Variants in FAM3B observed in about 807,000 individuals in gnomAD.
FAM3B encodes the protein FAM3 metabolism regulating signaling molecule B, also known as protein FAM3B.
A neutral mutation model predicts 28.4 loss-of-function variants in FAM3B; 29 were observed. That is an observed-to-expected ratio of 1.02 (90% CI 0.76 to 1.39). The LOEUF is 1.39. FAM3B is among the 40% of genes most tolerant of loss of function. FAM3B has a pLI of 0.00. For synonymous variants in FAM3B, 91 were observed against 103.0 expected, an observed-to-expected ratio of 0.88 and a Z score of 0.71; for missense variants, 266 against 293.9, an observed-to-expected ratio of 0.91 and a Z score of 0.69.
intron 3 of FAM3B, among the ~76,000 whole-genome samples, chr21:41,342,900 G>T (rs922133089): frequency 1.3e-5 from 2 of 152,058 alleles, no homozygotes; most frequent in African/African-American, 2.4e-5. Flanking sequence ...TCCTGCACCT[G>T]TTTTTTAAAA....
rs1247398681 is a variant in FAM3B at position 41,326,583 on chromosome 21, ATGCTCATGGCTGACG to A, written c.163+3518_163+3532del. Among the ~76,000 whole-genome samples, 8 of 152,228 alleles carry A rather than the reference ATGCTCATGGCTGACG, an allele frequency of 5.3e-5. No individual in the cohort carries two copies. Among genetic ancestry groups the A allele is most frequent in the Non-Finnish European group, 1.0e-4 (7 of 68,030 alleles). On this transcript the variant is annotated intron_variant, in intron 2 of 7. Transcript: ENST00000357985. The surrounding 1 kb of genome is among the most constrained non-coding windows in gnomAD (Gnocchi z 4.0). ...AAGTCTAGAAGCTGGGGAGGAGGCC[ATGCTCATGGCTGACG>A]GGCTGCCAGGCCCTGGCGTGGGGAC...
intron 7 of FAM3B, among the ~76,000 whole-genome samples, chr21:41,356,244 C>G (rs1488195713): frequency 1.3e-5 from 2 of 152,100 alleles, no homozygotes; most frequent in East Asian, 3.9e-4. Context: ...AGTACAGATG[C>G]TCTTCAGCTT....
chr21:41,346,951 C>T, intron 5 of FAM3B, 62 bp from the exon 6 acceptor site: 1 of 1,464,856 alleles, frequency 6.8e-7, no homozygotes, highest in Non-Finnish European at 9.6e-7. Context: ...GGAAGCCCAG[C>T]ACCCAAGGCA....
At chr21:41,348,508 C>A in intron 6 of FAM3B, 84 bp from the exon 7 acceptor site, 1 of 1,510,458 alleles carries the variant, frequency 6.6e-7, no homozygotes, top group Non-Finnish European at 9.1e-7. Context: ...TCCAAGGATG[C>A]ACAGCGTAAC....
chr21:41,331,726 A>T (rs1262684451), intron 2 of FAM3B, among the ~76,000 whole-genome samples: 5 of 152,166 alleles, frequency 3.3e-5, no homozygotes, highest in African/African-American at 1.2e-4. Flanking sequence ...GATGTTATGA[A>T]GTTAACTGTG....
intron 7 of FAM3B, among the ~76,000 whole-genome samples, chr21:41,349,593 C>A (rs377746767): frequency 3.3e-5 from 5 of 152,308 alleles, no homozygotes; most frequent in South Asian, 4.1e-4. Flanking sequence ...CAGTCTGCCT[C>A]CTTGTGCTGT....
At chr21:41,322,553 C>T in intron 1 of FAM3B, 1 of 714,302 alleles carries the variant, frequency 1.4e-6, no homozygotes, top group Non-Finnish European at 2.6e-6. Flanking sequence ...CCAGTTGTGT[C>T]TCACAAAGGG....
At chr21:41,356,709 T>C (rs1432966350) in intron 7 of FAM3B, among the ~76,000 whole-genome samples, 3 of 152,186 alleles carry the variant, frequency 2.0e-5, no homozygotes, top group African/African-American at 4.8e-5. Flanking sequence ...ACGGTATAAA[T>C]ATATGGGTAG....
At position 41,357,166 on chromosome 21, in the gene FAM3B, T is replaced by G. The variant is rs771223202; in HGVS notation, c.677T>G (p.Ile226Arg). The G allele has an allele frequency of 2.5e-6, 4 of 1,613,596 alleles. No homozygotes were observed. Among genetic ancestry groups the G allele is most frequent in the Non-Finnish European group, 3.4e-6 (4 of 1,179,784 alleles). The part of the protein sequence containing the change: ...RYSGWPAEIQ[I>R]EGCIPKERS ...TCTGGCTGGCCTGCAGAGATCCAGATAGAAGGCTGCATACCCAAAGAACGA... is the reference window on the plus strand; with the variant it reads ...TCTGGCTGGCCTGCAGAGATCCAGAGAGAAGGCTGCATACCCAAAGAACGA... The change falls in exon 8 of 8, where the codon ATA becomes AGA. Residue 226 changes from isoleucine to arginine, a missense_variant. Ile to Arg is a moderately conservative substitution (Grantham distance 97). Coordinates refer to ENST00000357985, the MANE Select transcript of FAM3B (RefSeq NM_058186.4).
At chr21:41,349,606 A>G (rs758536836) in intron 7 of FAM3B, among the ~76,000 whole-genome samples, 1 of 152,110 alleles carries the variant, frequency 6.6e-6, no homozygotes, top group South Asian at 2.1e-4. Context: ...TGTGCTGTGG[A>G]TACGGGTCTG....
chr21:41,328,749 G>A (rs2088877519), intron 2 of FAM3B, among the ~76,000 whole-genome samples: 2 of 152,206 alleles, frequency 1.3e-5, no homozygotes, highest in Admixed American at 1.3e-4. Flanking sequence ...GGGTGAGCTG[G>A]AGTGTTGAGA....
intron 6 of FAM3B, among the ~76,000 whole-genome samples, chr21:41,348,269 A>G (rs1726157452): frequency 6.6e-6 from 1 of 152,104 alleles, no homozygotes; most frequent in East Asian, 1.9e-4. Context: ...GGGCAGAGCA[A>G]TAGCCGAAAA....
upstream of FAM3B, among the ~76,000 whole-genome samples, chr21:41,312,722 A>AGAGTGTGTGTGTGT (rs1555866778): frequency 1.3e-5 from 2 of 148,216 alleles, no homozygotes; most frequent in African/African-American, 2.5e-5. Flanking sequence ...TGTGTGTGAG[A>AGAGTGTGTGTGTGT]GTGTGTGTGT....
chr21:41,349,406 C>T (rs565853549), intron 7 of FAM3B, among the ~76,000 whole-genome samples: 2 of 152,244 alleles, frequency 1.3e-5, no homozygotes, highest in South Asian at 2.1e-4. Context: ...CTGCAGTAAC[C>T]GGTGCAGAAG....
chr21:41,323,517 G>A (rs533100073), intron 2 of FAM3B, among the ~76,000 whole-genome samples: 1 of 152,320 alleles, frequency 6.6e-6, no homozygotes, highest in East Asian at 1.9e-4. Context: ...GTGAACACAC[G>A]GCCTCAACCA....
chr21:41,304,872 G>C (rs2088674533), intron 1 of FAM3B, among the ~76,000 whole-genome samples: 1 of 152,192 alleles, frequency 6.6e-6, no homozygotes, highest in South Asian at 2.1e-4. Flanking sequence ...AGGGAGACCA[G>C]CTAGGTGGAT....
chr21:41,322,651 G>GA (rs2088817259), intron 1 of FAM3B: 1 of 718,176 alleles, frequency 1.4e-6, no homozygotes, highest in South Asian at 1.5e-5. Context: ...AACGTTCAAG[G>GA]ACGTTTGTTG....
At chr21:41,353,707 T>A (rs1278946780) in intron 7 of FAM3B, among the ~76,000 whole-genome samples, 1 of 152,202 alleles carries the variant, frequency 6.6e-6, no homozygotes, top group African/African-American at 2.4e-5. Flanking sequence ...ATTAAACTCT[T>A]AGAGGAAAAC....
At chr21:41,340,118 AAG>A (rs994071471) in intron 3 of FAM3B, among the ~76,000 whole-genome samples, 43 of 151,198 alleles carry the variant, frequency 2.8e-4, no homozygotes, top group African/African-American at 9.0e-4. Flanking sequence ...TTCCAGCAGA[AAG>A]AGAGAGAGAG....
Sources: allele counts gnomAD v4.1 joint callset (sites outside exome capture counted in the v4.1 genomes callset), GRCh38; gene constraint gnomAD v4.1.1; non-coding constraint Gnocchi (gnomAD v3.1); transcripts MANE v1.5; gene names NCBI Gene and HGNC (gene_info 2026-07-23, HGNC 2026-07-21).